DOCK8: variants seen among roughly 807,000 people sequenced by gnomAD.
DOCK8 encodes the protein dedicator of cytokinesis 8.
Under a neutral mutation model 245.6 loss-of-function variants are expected in DOCK8, and 141 were observed. The observed-to-expected ratio is 0.57, with a 90% CI of 0.50 to 0.66. The LOEUF is 0.66. Ranked by LOEUF, DOCK8 falls within the 30% of genes least tolerant of loss-of-function variation. The probability of loss-of-function intolerance (pLI) is 0.00; values close to 1 mark genes in which losing one functional copy is unlikely to be tolerated. For synonymous variants in DOCK8, 1,168 were observed against 970.2 expected (o/e 1.20, Z -3.79); for missense variants, 2,965 against 2,603.4 (o/e 1.14, Z -3.02).
intron 10 of DOCK8, among the ~76,000 whole-genome samples, chr9:333,938 A>T (rs1481741820): frequency 2.0e-5 from 3 of 152,190 alleles, no homozygotes; most frequent in Non-Finnish European, 2.9e-5. Context: ...TGATAATCTG[A>T]TGTAATGAGT....
At chr9:313,792 TGATA>T (rs1440603111) in intron 6 of DOCK8, among the ~76,000 whole-genome samples, 20 of 152,346 alleles carry the variant, frequency 1.3e-4, no homozygotes, top group Admixed American at 6.5e-4. Context: ...GTTGGTGAGG[TGATA>T]GATATGTTAA....
chr9:389,191 A>T (rs575755786), intron 23 of DOCK8, among the ~76,000 whole-genome samples: 1 of 152,340 alleles, frequency 6.6e-6, no homozygotes, highest in African/African-American at 2.4e-5. Context: ...ATTATCAGGC[A>T]CACTGTAATG....
intron 12 of DOCK8, 83 bp downstream of exon 12, chr9:336,801 G>A: frequency 6.5e-7 from 1 of 1,537,886 alleles, no homozygotes; most frequent in Non-Finnish European, 9.0e-7. Context: ...GATACGTAGT[G>A]ATTAAGAGAG....
At chr9:433,564 G>C (rs1338195627) in intron 37 of DOCK8, among the ~76,000 whole-genome samples, 1 of 152,176 alleles carries the variant, frequency 6.6e-6, no homozygotes, top group Non-Finnish European at 1.5e-5. Flanking sequence ...GTAGAGTTTA[G>C]AACTTTTCAG....
At chr9:337,881 C>A (rs144876168) in intron 12 of DOCK8, among the ~76,000 whole-genome samples, 1 of 152,118 alleles carries the variant, frequency 6.6e-6, no homozygotes, top group Non-Finnish European at 1.5e-5. Context: ...ATGGGCCGGG[C>A]GCAGTGGCTC....
chr9:216,539 A>AAAAAAAAAAAAAAAAAAAAAAAAAC (rs2046757845), intron 1 of DOCK8, among the ~76,000 whole-genome samples: 1 of 56,896 alleles, frequency 1.8e-5, no homozygotes, highest in Non-Finnish European at 4.3e-5. Flanking sequence ...AAAACAGACA[A>AAAAAAAAAAAAAAAAAAAAAAAAAC]AAAAAAAAAA....
intron 2 of DOCK8, among the ~76,000 whole-genome samples, chr9:282,458 A>G (rs1261801792): frequency 7.3e-6 from 1 of 137,438 alleles, no homozygotes; most frequent in African/African-American, 2.8e-5. Context: ...TCTTCCTGTC[A>G]CTCAGGCTGG....
At chr9:279,133 C>G (rs1381781436) in intron 2 of DOCK8, among the ~76,000 whole-genome samples, 1 of 152,094 alleles carries the variant, frequency 6.6e-6, no homozygotes, top group Non-Finnish European at 1.5e-5. Flanking sequence ...AGAGAAGAAG[C>G]AAGATTGACT....
At position 446,683 on chromosome 9, in the gene DOCK8, C is replaced by T. The variant is rs535452629; in HGVS notation, c.5817+77C>T. 95 of 1,285,094 alleles carry T rather than the reference C, an allele frequency of 7.4e-5. No individual in the cohort carries two copies. In the African/African-American group the frequency reaches 1.3e-3, roughly 17 times the overall value. 79.6% of individuals were successfully genotyped at this position (1,285,094 alleles called of 1,614,324 possible). ...CCCAGGAGGACCCACAAACCTCTTT[C>T]ACAGTGGATTGGACTGAAAACAAGG... On this transcript the variant is annotated intron_variant, in intron 44 of 47. Transcript: ENST00000432829.
chr9:244,201 A>G (rs2047448689), intron 1 of DOCK8, among the ~76,000 whole-genome samples: 3 of 151,450 alleles, frequency 2.0e-5, no homozygotes, highest in Admixed American at 2.0e-4. Context: ...AAAAAAAAAA[A>G]AAAAAAAATT....
Position 414,852 on chromosome 9 carries a change from C to A in DOCK8, c.3601C>A (p.Arg1201Ser), listed in dbSNP as rs146865157. Residue 1201 changes from arginine (R) to serine (S), a missense_variant, in exon 29 of 48, where the codon CGC becomes AGC. This residue lies in a region of DOCK8 where 2,825 missense variants were observed against 2,453.5 expected (regional missense o/e 1.15). Transcript: ENST00000432829. ...SLLSSHDLDP[R>S]CVKPEVKVKI... is the part of the protein sequence containing the mutation. ...GCTAAGTTCTCACGACCTGGACCCA[C>A]GCTGTGTCAAACCAGAGGTGAAGGT... 1 of 1,614,238 alleles carries A rather than the reference C, an allele frequency of 6.2e-7. No individual in the cohort carries two copies. The highest frequency in any genetic ancestry group is 2.2e-5 in the East Asian group (1 of 44,892).
intron 1 of DOCK8, among the ~76,000 whole-genome samples, chr9:219,724 C>G (rs1015512010): frequency 6.6e-6 from 1 of 152,098 alleles, no homozygotes; most frequent in Admixed American, 6.5e-5. Context: ...TAGCAAAACC[C>G]TGTCTCTACA....
intron 21 of DOCK8, 36 bp from the exon 22 acceptor site, chr9:382,477 C>G: frequency 6.2e-7 from 1 of 1,612,550 alleles, no homozygotes; most frequent in Non-Finnish European, 8.5e-7. Context: ...CTCTGTTCCC[C>G]TGTCTGTTGA....
At position 340,062 on chromosome 9, in the gene DOCK8, C is replaced by T. The variant is rs573801435; in HGVS notation, c.1517-97C>T. The T allele has an allele frequency of 4.2e-6, 6 of 1,432,468 alleles. No individual in the cohort carries two copies. In the Admixed American group the frequency reaches 7.1e-5, roughly 17 times the overall value. 88.7% of individuals were successfully genotyped at this position (1,432,468 alleles called of 1,614,324 possible). On this transcript the variant is annotated intron_variant, in intron 13 of 47. Transcript: ENST00000432829. ...CTTTTTTACAGTACTATAGTTTGTT[C>T]TTATTTTCATGAAAGAAACACAGTG...
intron 26 of DOCK8, among the ~76,000 whole-genome samples, chr9:402,133 G>A (rs181622870): frequency 2.2e-4 from 33 of 152,312 alleles, no homozygotes; most frequent in Admixed American, 2.0e-3. Flanking sequence ...CTTCATTCCC[G>A]ACAGGGAAAT....
At chr9:265,270 C>T (rs539614047) in intron 1 of DOCK8, among the ~76,000 whole-genome samples, 38 of 152,164 alleles carry the variant, frequency 2.5e-4, no homozygotes, top group Non-Finnish European at 5.1e-4. Flanking sequence ...CCTGCCCTAA[C>T]CTTGTAACTT....
intron 14 of DOCK8, among the ~76,000 whole-genome samples, chr9:342,212 G>T (rs1002768276): frequency 1.1e-4 from 16 of 151,756 alleles, no homozygotes; most frequent in Admixed American, 9.2e-4. Flanking sequence ...AGTCCCTGGT[G>T]CCAAAAAGGT....
intron 5 of DOCK8, among the ~76,000 whole-genome samples, chr9:308,345 A>G (rs571510602): frequency 1.3e-4 from 20 of 152,348 alleles, no homozygotes; most frequent in Non-Finnish European, 2.2e-4. Flanking sequence ...TGTGTCTATT[A>G]AATTTTTTTA....
At chr9:303,864 G>T (rs1299176097) in intron 4 of DOCK8, among the ~76,000 whole-genome samples, 1 of 152,178 alleles carries the variant, frequency 6.6e-6, no homozygotes, top group Non-Finnish European at 1.5e-5. Context: ...GCGTGTTTGT[G>T]CACTTGACTT....
Sources: gnomAD v4.1 joint callset for allele counts (sites outside exome capture counted in the v4.1 genomes callset) on GRCh38, gnomAD v4.1.1 for gene constraint, gnomAD v4.1.1 regional missense constraint, MANE v1.5 for transcripts, NCBI Gene and HGNC (gene_info 2026-07-23, HGNC 2026-07-21) for gene names.